DACH2: variants seen among roughly 807,000 people sequenced by gnomAD.
DACH2 encodes dachshund family transcription factor 2.
DACH2 carries 17 observed loss-of-function variants against 35.8 expected under a neutral mutation model. The ratio of observed to expected loss-of-function variants is 0.48; its 90% CI spans 0.33 to 0.71. The LOEUF (loss-of-function observed/expected upper bound fraction) is 0.71. DACH2 is among the 30% of genes least tolerant of loss of function. The probability of loss-of-function intolerance (pLI) is 0.02; values close to 1 mark genes in which losing one functional copy is unlikely to be tolerated. For missense variants in DACH2, 469 were observed against 472.7 expected (o/e 0.99, Z 0.07); for synonymous variants, 195 against 177.3 (o/e 1.10, Z -0.79).
intron 4 of DACH2, among the ~76,000 whole-genome samples, chrX:86,682,252 A>G (rs144796776): frequency 3.6e-5 from 4 of 111,985 alleles, no homozygotes; most frequent in Admixed American, 9.6e-5. Context: ...AACTGTGCAC[A>G]TTCACAGTCA....
chrX:86,494,092 G>A (rs1176019726), intron 2 of DACH2, among the ~76,000 whole-genome samples: 1 of 111,760 alleles, frequency 8.9e-6, no homozygotes, highest in African/African-American at 3.3e-5. Context: ...CCCTGCTCTG[G>A]CCTGGCCATT....
At chrX:86,397,510 T>C (rs927504762) in intron 2 of DACH2, among the ~76,000 whole-genome samples, 25 of 111,649 alleles carry the variant, frequency 2.2e-4, no homozygotes, top group Non-Finnish European at 3.6e-4. Context: ...CCATTCAGTA[T>C]GATATTGGCT....
At chrX:86,581,535 C>G (rs2039500802) in intron 3 of DACH2, among the ~76,000 whole-genome samples, 1 of 110,878 alleles carries the variant, frequency 9.0e-6, no homozygotes, top group Admixed American at 9.6e-5. Flanking sequence ...GGAGAAAACT[C>G]TACCAAGCAA....
At chrX:86,491,672 T>C (rs2038095143) in intron 2 of DACH2, among the ~76,000 whole-genome samples, 1 of 111,749 alleles carries the variant, frequency 8.9e-6, no homozygotes, top group African/African-American at 3.2e-5. Context: ...TTGCACGTGT[T>C]GTCTTTATAA....
At chrX:86,397,634 A>C (rs2036325084) in intron 2 of DACH2, among the ~76,000 whole-genome samples, 2 of 111,933 alleles carry the variant, frequency 1.8e-5, no homozygotes, top group Non-Finnish European at 3.8e-5. Context: ...CCTTTTCTGC[A>C]TCTATTGAGG....
chrX:86,437,500 T>C (rs1364618830), intron 2 of DACH2, among the ~76,000 whole-genome samples: 2 of 111,875 alleles, frequency 1.8e-5, no homozygotes, highest in Non-Finnish European at 3.8e-5. Context: ...TCATAAGATC[T>C]ACTTTTTAAA....
At chrX:86,733,993 T>C (rs1332020103) in intron 6 of DACH2, among the ~76,000 whole-genome samples, 1 of 95,260 alleles carries the variant, frequency 1.0e-5, no homozygotes, top group African/African-American at 3.8e-5. Flanking sequence ...AAGGGTTGTT[T>C]GTGTTTGTTT....
intron 1 of DACH2, among the ~76,000 whole-genome samples, chrX:86,171,162 T>C (rs1355607015): frequency 1.8e-5 from 2 of 111,310 alleles, no homozygotes; most frequent in African/African-American, 6.5e-5. Context: ...ACATGGTGAA[T>C]GGTTCCCTAT....
intron 1 of DACH2, among the ~76,000 whole-genome samples, chrX:86,183,136 G>A (rs2031554159): frequency 1.8e-5 from 2 of 111,850 alleles, no homozygotes; most frequent in African/African-American, 6.5e-5. Context: ...GAGACAATTT[G>A]ACTTCTTCTC....
At chrX:86,429,456 G>A (rs1016713100) in intron 2 of DACH2, among the ~76,000 whole-genome samples, 2 of 111,793 alleles carry the variant, frequency 1.8e-5, no homozygotes, top group African/African-American at 6.5e-5. Flanking sequence ...GTGTTTGGGA[G>A]GATGAAGAAG....
intron 3 of DACH2, among the ~76,000 whole-genome samples, chrX:86,581,298 C>A (rs6623716): frequency 0.41 from 45,074 of 110,651 alleles, 8,425 homozygotes; most frequent in African/African-American, 0.73. Flanking sequence ...ATCATTGACA[C>A]TATACAGCAA....
intron 3 of DACH2, among the ~76,000 whole-genome samples, chrX:86,565,276 C>T (rs1435526352): frequency 1.8e-5 from 2 of 111,689 alleles, no homozygotes; most frequent in African/African-American, 6.5e-5. Context: ...TATTCTTTTA[C>T]AATACTTTAT....
At chrX:86,517,847 G>T (rs958264983) in intron 3 of DACH2, among the ~76,000 whole-genome samples, 29 of 111,657 alleles carry the variant, frequency 2.6e-4, no homozygotes, top group African/African-American at 9.5e-4. Flanking sequence ...CGTGTAGGTT[G>T]TCTGTTTACT....
At chrX:86,374,078 A>C (rs536510999) in intron 1 of DACH2, among the ~76,000 whole-genome samples, 1 of 110,783 alleles carries the variant, frequency 9.0e-6, no homozygotes, top group East Asian at 2.9e-4. Flanking sequence ...GCCTCCTGTC[A>C]TGTGTCTCGC....
intron 2 of DACH2, among the ~76,000 whole-genome samples, chrX:86,393,988 T>G (rs758832695): frequency 9.2e-6 from 1 of 108,614 alleles, no homozygotes; most frequent in East Asian, 2.9e-4. Flanking sequence ...ATAAATGTCT[T>G]TTTTTTCCTT....
chrX:86,417,806 A>G (rs979187592), intron 2 of DACH2, among the ~76,000 whole-genome samples: 2 of 111,463 alleles, frequency 1.8e-5, no homozygotes, highest in African/African-American at 6.5e-5. Flanking sequence ...CTCATTTCAG[A>G]ATTAAATGAG....
intron 1 of DACH2, among the ~76,000 whole-genome samples, chrX:86,369,297 T>C (rs1324428217): frequency 9.0e-6 from 1 of 111,588 alleles, no homozygotes; most frequent in Non-Finnish European, 1.9e-5. Context: ...GATTTCAAAA[T>C]ACATTTATTT....
chrX:86,174,651 T>G (rs987754027), intron 1 of DACH2, among the ~76,000 whole-genome samples: 1 of 111,182 alleles, frequency 9.0e-6, no homozygotes, highest in Admixed American at 9.6e-5. Flanking sequence ...ATTATAAGCA[T>G]GTTTGAAAAG....
intron 2 of DACH2, among the ~76,000 whole-genome samples, chrX:86,393,939 T>TTTATTA (rs61097672): frequency 0.11 from 11,451 of 104,681 alleles, 662 homozygotes; most frequent in East Asian, 0.21. Flanking sequence ...TGGTAGCTAT[T>TTTATTA]TTATTATTAT....
Sources: gnomAD v4.1 joint callset for allele counts (sites outside exome capture counted in the v4.1 genomes callset) on GRCh38, gnomAD v4.1.1 for gene constraint, MANE v1.5 for transcripts, NCBI Gene and HGNC (gene_info 2026-07-23, HGNC 2026-07-21) for gene names.